Variants in IL32 observed in about 807,000 individuals in gnomAD.
IL32 encodes interleukin 32.
IL32 carries 30 observed loss-of-function variants against 16.6 expected under a neutral mutation model. That is an observed-to-expected ratio of 1.81 (90% confidence interval 1.35 to 2.45). The LOEUF (loss-of-function observed/expected upper bound fraction) is 2.45, where lower values mean the gene tolerates loss of function less well. IL32 is among the 30% of genes most tolerant of loss of function. IL32 has a pLI of 0.00. For missense variants in IL32, 234 were observed against 229.8 expected, an observed-to-expected ratio of 1.02 and a Z score of -0.12; for synonymous variants, 70 against 86.1, an observed-to-expected ratio of 0.81 and a Z score of 1.03.
chr16:3,068,459 C>G, intron 6 of IL32: 1 of 559,368 alleles, frequency 1.8e-6, no homozygotes, highest in Non-Finnish European at 3.2e-6. Flanking sequence ...GCACCCGCCA[C>G]CACTCCAGGC....
chr16:3,065,917 G>A, intron 2 of IL32, 91 bp downstream of exon 2: 2 of 1,489,128 alleles, frequency 1.3e-6, no homozygotes, highest in Non-Finnish European at 1.9e-6. Context: ...AGGTGCCTGT[G>A]TGTCAGGGCT....
intron 4 of IL32, 147 bp downstream of exon 4, chr16:3,067,760 A>T (rs752477241): frequency 7.6e-5 from 64 of 837,448 alleles, no homozygotes; most frequent in Admixed American, 2.6e-4. Flanking sequence ...CCTGGGTGGC[A>T]GTGAGTGGGC....
At chr16:3,066,161 C>A (rs895581738) in intron 2 of IL32, among the ~76,000 whole-genome samples, 1 of 152,150 alleles carries the variant, frequency 6.6e-6, no homozygotes, top group African/African-American at 2.4e-5. Flanking sequence ...TGGGTGGGCC[C>A]AAGAGCAAGG....
rs139541431 is a variant in IL32, at chr16:3,067,567, A to G, written c.68A>G (p.Glu23Gly). ...KLKARMHQAIERFYDKMQNAE... is the reference protein window; with the variant it reads ...KLKARMHQAIGRFYDKMQNAE... ...CTCTCTTCACAGCACCAGGCCATAG[A>G]AAGATTTTATGATAAAATGCAAAAT... is the stretch of plus-strand genomic sequence containing the variant. The change falls in exon 4 of 7, where the codon GAA becomes GGA. Residue 23 changes from glutamate (E) to glycine (G), a missense_variant. Glu to Gly is a moderately conservative substitution (Grantham distance 98). This residue lies in a region of IL32 where 137 missense variants were observed against 80.7 expected (regional missense o/e 1.70). Transcript: ENST00000525643. 11 of 1,613,918 alleles carry G rather than the reference A, an allele frequency of 6.8e-6. No individual in the cohort carries two copies. The African/African-American group carries it at 1.2e-4, about 18-fold the overall frequency.
chr16:3,067,281 G>GTC (rs1375850254), intron 2 of IL32, 96 bp from the exon 3 acceptor site: 3 of 514,534 alleles, frequency 5.8e-6, no homozygotes, highest in South Asian at 6.1e-5. Context: ...CTGTGTGTGT[G>GTC]TGTGTGTGTG....
In IL32 at chr16:3,069,320, C is replaced by A; in HGVS notation, c.532C>A (p.Pro178Thr). 6.2e-7 allele frequency: 1 copy of A among 1,609,352 alleles called. No homozygotes were observed. Residue 178 changes from proline (P) to threonine (T), a missense_variant, in exon 7 of 7, where the codon CCC becomes ACC. Physicochemically the swap from Pro to Thr is conservative, Grantham distance 38. This residue lies in a region of IL32 where 53 missense variants were observed against 46.1 expected (regional missense o/e 1.15). Coordinates refer to ENST00000525643, the MANE Select transcript of IL32 (RefSeq NM_001376923.1). The stretch of plus-strand genomic sequence containing the variant: ...ACGGGGGGACAAGGAGGAGCTGACA[C>A]CCCAGAAGTGCTCTGAACCCCAATC... ...APRGDKEELT[P>T]QKCSEPQSSK
chr16:3,067,487 G>C (rs755730296), intron 3 of IL32, 67 bp from the exon 4 acceptor site: 7 of 1,613,776 alleles, frequency 4.3e-6, no homozygotes, highest in Non-Finnish European at 5.9e-6. Context: ...AGGACACTGT[G>C]GGACACCTGG....
intron 4 of IL32, 116 bp downstream of exon 4, chr16:3,067,729 T>A: frequency 1.1e-6 from 1 of 923,858 alleles, no homozygotes; most frequent in South Asian, 1.5e-5. Flanking sequence ...CCTCACCCCT[T>A]ACCGTGGGCA....
At chr16:3,068,838 G>C in intron 6 of IL32, 152 bp from the exon 7 acceptor site, 2 of 1,292,006 alleles carry the variant, frequency 1.5e-6, no homozygotes, top group Non-Finnish European at 1.1e-6. Flanking sequence ...TCTGGGAAAA[G>C]TCCCTCTTGC....
In IL32 at chr16:3,068,497, G is replaced by A. The variant is rs1391445524; in HGVS notation, c.201+258G>A. 3 of 503,980 alleles carry A rather than the reference G, an allele frequency of 6.0e-6. No homozygotes were observed. The East Asian group carries it at 1.1e-4, about 19-fold the overall frequency. 31.2% of individuals were successfully genotyped at this position (503,980 alleles called of 1,614,324 possible). On this transcript the variant is annotated intron_variant, in intron 6 of 6. Transcript: ENST00000525643. ...ATTTTTTTTGTGTGTGTTTTTAGTA[G>A]AGACCAGGTTTCACCATGTTTGCCA...
At position 3,067,916 on chromosome 16, in the gene IL32, T is replaced by C. The variant is rs1431502004; in HGVS notation, c.115-68T>C. 3.2e-6 allele frequency: 5 copies of C among 1,574,600 alleles called. No individual in the cohort carries two copies. The Admixed American group carries it at 8.3e-5, about 26-fold the overall frequency. ...TGTGGGAGCTGAGGACTCACTGGGC[T>C]TGAGGACTGACTGATGTGGGGTGCA... On this transcript the variant is annotated intron_variant, in intron 4 of 6. Transcript: ENST00000525643.
intron 2 of IL32, among the ~76,000 whole-genome samples, chr16:3,066,538 C>T (rs187236216): frequency 9.8e-4 from 149 of 152,216 alleles, no homozygotes; most frequent in Non-Finnish European, 2.0e-3. Flanking sequence ...AGGCATGTCA[C>T]CCCCGAGACT....
At chr16:3,067,909 A>G in intron 4 of IL32, 75 bp from the exon 5 acceptor site, 1 of 1,543,522 alleles carries the variant, frequency 6.5e-7, no homozygotes, top group African/African-American at 1.4e-5. Flanking sequence ...CTGAGGACTC[A>G]CTGGGCTTGA....
Position 3,065,961 on chromosome 16 carries a change from A to G in IL32, c.15+135A>G, listed in dbSNP as rs555658957. The G allele has an allele frequency of 5.5e-5, 58 of 1,060,420 alleles. 1 individual carries two copies. In the Middle Eastern group the frequency reaches 8.4e-4, roughly 15 times the overall value. The allele number at this position is 1,060,420 out of a possible 1,614,324, so 65.7% of individuals were successfully genotyped here. A position where few individuals can be genotyped will look rare whatever the true frequency, so the allele number is the denominator to read the frequency against. ...GGCACCCAGCGGCAGGAGGATAGTG[A>G]TGGGGTGAGAGTGTCAGTGGAGGCG... On this transcript the variant is annotated intron_variant, in intron 2 of 6. Coordinates refer to ENST00000525643, the MANE Select transcript of IL32 (RefSeq NM_001376923.1).
intron 4 of IL32, 134 bp downstream of exon 4, chr16:3,067,747 G>T (rs1400871063): frequency 5.8e-6 from 5 of 868,274 alleles, no homozygotes; most frequent in Non-Finnish European, 9.2e-6. Context: ...GCAAATGCTT[G>T]CACCTGGGTG....
intron 2 of IL32, 106 bp from the exon 3 acceptor site, chr16:3,067,271 C>CTGTGTGTGTGTCTCTGTGTGTGTG (rs1956458156): frequency 3.3e-6 from 2 of 603,558 alleles, no homozygotes; most frequent in Non-Finnish European, 5.8e-6. Context: ...CCATGTGTCT[C>CTGTGTGTGTGTCTCTGTGTGTGTG]TGTGTGTGTG....
chr16:3,068,144 G>T (rs1027943916), intron 5 of IL32, 36 bp from the exon 6 acceptor site: 5 of 1,603,828 alleles, frequency 3.1e-6, no homozygotes, highest in Non-Finnish European at 3.4e-6. Flanking sequence ...GGGCAGGCAG[G>T]AGCAGCATGA....
At position 3,068,206 on chromosome 16, in the gene IL32, G is replaced by C. The variant is rs767002084; in HGVS notation, c.168G>C (p.Glu56Asp). 3 of 1,602,546 alleles carry C rather than the reference G, an allele frequency of 1.9e-6. No homozygotes were observed. The highest frequency in any genetic ancestry group is 1.7e-6 in the Non-Finnish European group (2 of 1,174,408). ...ACGACTTCAAAGAGGGCTACCTGGA[G>C]ACAGTGGCGGCTTATTATGAGGAGC... is the stretch of plus-strand genomic sequence containing the variant. The part of the protein sequence containing the change: ...LEDDFKEGYL[E>D]TVAAYYEEQH... The change falls in exon 6 of 7, where the codon GAG becomes GAC. Residue 56 changes from glutamate (E) to aspartate (D), a missense_variant. By Grantham distance (45) the Glu-to-Asp change is conservative (BLOSUM62 2). This residue lies in a region of IL32 where 137 missense variants were observed against 80.7 expected (regional missense o/e 1.70). Transcript: ENST00000525643.
chr16:3,067,697 A>G (rs758697810), intron 4 of IL32, 84 bp downstream of exon 4: 1 of 1,099,020 alleles, frequency 9.1e-7, no homozygotes, highest in Non-Finnish European at 1.4e-6. Flanking sequence ...GGTGAGAAGG[A>G]TGAAGAGGGA....
Sources: gnomAD v4.1 joint callset for allele counts (sites outside exome capture counted in the v4.1 genomes callset) on GRCh38, gnomAD v4.1.1 for gene constraint, gnomAD v4.1.1 regional missense constraint, MANE v1.5 for transcripts, NCBI Gene and HGNC (gene_info 2026-07-23, HGNC 2026-07-21) for gene names.